Variants in HDAC8 observed in about 807,000 individuals in gnomAD.
The protein encoded by HDAC8 is histone deacetylase-like 1.
HDAC8 carries 1 observed loss-of-function variant against 32.2 expected under a neutral mutation model. The ratio of observed to expected loss-of-function variants is 0.03; its 90% CI spans 0.01 to 0.15. HDAC8 has a LOEUF of 0.15. HDAC8 is among the 10% of genes least tolerant of loss of function. The pLI, the probability that HDAC8 is intolerant of heterozygous loss-of-function variation, is 1.00. For missense variants in HDAC8, 117 were observed against 300.0 expected, an observed-to-expected ratio of 0.39 and a Z score of 4.51; for synonymous variants, 108 against 113.9, an observed-to-expected ratio of 0.95 and a Z score of 0.33.
At chrX:72,383,881 A>G (rs5958788) in intron 9 of HDAC8, among the ~76,000 whole-genome samples, 1,139 of 108,651 alleles carry the variant, frequency 0.01, 18 homozygotes, top group African/African-American at 0.036. Flanking sequence ...AAAAAAAAAA[A>G]AAAAAAAAAA....
At chrX:72,454,876 CT>C (rs2047679659) in intron 9 of HDAC8, among the ~76,000 whole-genome samples, 1 of 112,638 alleles carries the variant, frequency 8.9e-6, no homozygotes, top group Non-Finnish European at 1.9e-5. Flanking sequence ...ACAGCATTGT[CT>C]TTTCTCAATG....
At chrX:72,441,261 G>A (rs1329243287) in intron 9 of HDAC8, among the ~76,000 whole-genome samples, 8 of 112,614 alleles carry the variant, frequency 7.1e-5, no homozygotes, top group African/African-American at 9.7e-5. Context: ...CCTGACACCC[G>A]AGCAGCCTAA....
chrX:72,521,546 A>G (rs939889025), intron 4 of HDAC8, among the ~76,000 whole-genome samples: 1 of 111,069 alleles, frequency 9.0e-6, no homozygotes, highest in East Asian at 2.9e-4. Context: ...TCAGAAAACC[A>G]GGGAAACCTT....
chrX:72,511,045 T>C (rs2049566323), intron 4 of HDAC8, among the ~76,000 whole-genome samples: 1 of 111,648 alleles, frequency 9.0e-6, no homozygotes, highest in African/African-American at 3.3e-5. Flanking sequence ...TCTTATTCAA[T>C]AGAAGTCAGA....
intron 4 of HDAC8, among the ~76,000 whole-genome samples, chrX:72,537,459 T>G (rs1268562523): frequency 3.6e-5 from 4 of 112,523 alleles, no homozygotes; most frequent in Non-Finnish European, 7.5e-5. Context: ...ATTTGAGAAA[T>G]TTTTAGTAAA....
chrX:72,407,696 G>C (rs959572086), intron 9 of HDAC8, among the ~76,000 whole-genome samples: 1 of 111,908 alleles, frequency 8.9e-6, no homozygotes, highest in East Asian at 2.8e-4. Flanking sequence ...CAAGGAAATA[G>C]AGCCTCCAGA....
chrX:72,369,061 T>C (rs1378956415), intron 9 of HDAC8, among the ~76,000 whole-genome samples: 1 of 111,051 alleles, frequency 9.0e-6, no homozygotes, highest in African/African-American at 3.3e-5. Context: ...GGCTCTCAGT[T>C]TGGTTCTCAC....
chrX:72,366,641 G>A (rs1182899829), intron 9 of HDAC8, among the ~76,000 whole-genome samples: 1 of 112,097 alleles, frequency 8.9e-6, no homozygotes, highest in Non-Finnish European at 1.9e-5. Flanking sequence ...TTTGGTATGG[G>A]CCTGGCACAT....
At chrX:72,479,293 G>GT (rs1486878730) in intron 7 of HDAC8, among the ~76,000 whole-genome samples, 6 of 111,928 alleles carry the variant, frequency 5.4e-5, no homozygotes, top group Admixed American at 3.8e-4. Context: ...TAGGGCAGAG[G>GT]TTAGTGGGGT....
intron 9 of HDAC8, among the ~76,000 whole-genome samples, chrX:72,442,229 A>G (rs1188426514): frequency 2.7e-5 from 3 of 110,909 alleles, no homozygotes; most frequent in Non-Finnish European, 5.7e-5. Context: ...AAGACACGTA[A>G]TTGTCAGATT....
chrX:72,439,102 T>TAA (rs1705102276), intron 9 of HDAC8, among the ~76,000 whole-genome samples: 1 of 111,939 alleles, frequency 8.9e-6, no homozygotes. Flanking sequence ...CCCATCAGAC[T>TAA]AACAGCAGAC....
At chrX:72,478,758 C>T (rs782062062) in intron 7 of HDAC8, among the ~76,000 whole-genome samples, 6 of 106,199 alleles carry the variant, frequency 5.6e-5, no homozygotes, top group East Asian at 5.9e-4. Context: ...GGTTTTCAAG[C>T]GATTCAATCT....
intron 9 of HDAC8, among the ~76,000 whole-genome samples, chrX:72,440,929 T>A (rs1024978201): frequency 8.9e-6 from 1 of 112,414 alleles, no homozygotes; most frequent in African/African-American, 3.2e-5. Flanking sequence ...GTCTTGCTGA[T>A]CGCTAGCACA....
At chrX:72,435,897 G>A (rs1236285008) in intron 9 of HDAC8, among the ~76,000 whole-genome samples, 2 of 111,824 alleles carry the variant, frequency 1.8e-5, no homozygotes, top group Non-Finnish European at 1.9e-5. Flanking sequence ...GAACATGGGT[G>A]GTGGAGGTTG....
intron 10 of HDAC8, among the ~76,000 whole-genome samples, chrX:72,344,186 C>T (rs1057290941): frequency 1.8e-5 from 2 of 111,681 alleles, no homozygotes; most frequent in Admixed American, 9.5e-5. Flanking sequence ...TAGGGTAGTG[C>T]CCTCTGCCCC....
In HDAC8 at chrX:72,552,376, C is replaced by T. The variant is rs192973353; in HGVS notation, c.437+15513G>A. 5.4e-5 allele frequency among the ~76,000 whole-genome samples: 6 copies of T among 111,021 alleles called. No homozygotes were observed. The East Asian group carries it at 8.5e-4, about 16-fold the overall frequency. On this transcript the variant is annotated intron_variant, in intron 4 of 10. Transcript: ENST00000373573. ...CTGTAATCCCAGCACCTTGGGAGGCCGAGGCAGGTAGGTCACCTGAGGTCA... is the reference window on the plus strand; with the variant it reads ...CTGTAATCCCAGCACCTTGGGAGGCTGAGGCAGGTAGGTCACCTGAGGTCA...
At chrX:72,558,457 C>A (rs917049729) in intron 4 of HDAC8, among the ~76,000 whole-genome samples, 2 of 111,724 alleles carry the variant, frequency 1.8e-5, no homozygotes, top group Non-Finnish European at 3.8e-5. Context: ...GTGTGATATA[C>A]CACATAAACA....
intron 9 of HDAC8, among the ~76,000 whole-genome samples, chrX:72,434,644 C>G (rs1339635590): frequency 8.9e-6 from 1 of 111,893 alleles, no homozygotes; most frequent in African/African-American, 3.3e-5. Context: ...ACTTATTAGG[C>G]ACTCACTGGG....
chrX:72,550,202 A>T (rs1251815125), intron 4 of HDAC8, among the ~76,000 whole-genome samples: 1 of 111,335 alleles, frequency 9.0e-6, no homozygotes, highest in African/African-American at 3.3e-5. Context: ...GTTAAGAACC[A>T]CTGACTTAAA....
Sources: gnomAD v4.1 joint callset for allele counts (sites outside exome capture counted in the v4.1 genomes callset) on GRCh38, gnomAD v4.1.1 for gene constraint, MANE v1.5 for transcripts, NCBI Gene and HGNC (gene_info 2026-07-23, HGNC 2026-07-21) for gene names.